The following CCDC121 variants were observed in gnomAD, a reference collection of about 807,000 sequenced individuals.
The protein encoded by CCDC121 is coiled-coil domain containing 121, also known as coiled-coil domain-containing protein 121.
For missense variants in CCDC121, 238 were observed against 304.1 expected, an observed-to-expected ratio of 0.78 and a Z score of 1.62; for synonymous variants, 108 against 120.0, an observed-to-expected ratio of 0.90 and a Z score of 0.65.
chr2:27,628,873 C>T, intron 1 of CCDC121, 77 bp downstream of exon 1: 2 of 1,464,490 alleles, frequency 1.4e-6, no homozygotes, highest in Non-Finnish European at 1.8e-6. Context: ...CCCCCACTTC[C>T]TCGCCACTGT....
chr2:27,628,700 G>A, intron 1 of CCDC121: 5 of 1,551,712 alleles, frequency 3.2e-6, no homozygotes, highest in Non-Finnish European at 3.5e-6. Flanking sequence ...GTTCTCTGTG[G>A]GCTCAAAATG....
chr2:27,626,189 G>A lies in CCDC121; in HGVS notation c.*774C>T, dbSNP rs2148055523. The A allele has an allele frequency of 6.6e-6, 1 of 152,246 alleles. No homozygotes were observed. The highest frequency in any genetic ancestry group is 1.5e-5 in the Non-Finnish European group (1 of 67,972). The allele number at this position is 152,246 out of a possible 1,614,324, so 9.4% of individuals were successfully genotyped here. On this transcript the variant is annotated 3_prime_UTR_variant, in exon 2 of 2. Transcript: ENST00000324364. Reference sequence around the variant, plus strand: ...TAGAATGCTGCTAGGGAAATCGATGGCACTTAAAAAAAAAGTTGTCCAAAT... The same window carrying A: ...TAGAATGCTGCTAGGGAAATCGATGACACTTAAAAAAAAAGTTGTCCAAAT...
Position 27,627,336 on chromosome 2 carries a change from T to TTA in CCDC121, c.463_464insTA (p.Lys155IlefsTer4). 6.2e-7 allele frequency: 1 copy of TTA among 1,613,998 alleles called. No individual in the cohort carries two copies. Among genetic ancestry groups the TTA allele is most frequent in the Non-Finnish European group, 8.5e-7 (1 of 1,179,890 alleles). Reference sequence around the variant, plus strand: ...CCTCCTGTCTGGCTCGCTCAGTTGTTTCTCCAGTAATCTTTTCTCCTGGAG... The same window carrying TTA: ...CCTCCTGTCTGGCTCGCTCAGTTGTTTATCTCCAGTAATCTTTTCTCCTGGAG... On this transcript the variant is annotated frameshift_variant, in exon 2 of 2. Transcript: ENST00000324364. LOFTEE classifies it low-confidence loss of function (END_TRUNC).
intron 1 of CCDC121, chr2:27,628,561 C>G: frequency 6.4e-7 from 1 of 1,551,618 alleles, no homozygotes. Flanking sequence ...CTCAAAGGGT[C>G]TCGGTGCTGC....
intron 1 of CCDC121, 38 bp from the exon 2 acceptor site, chr2:27,627,955 G>T: frequency 7.2e-7 from 1 of 1,388,026 alleles, no homozygotes; most frequent in Non-Finnish European, 1.0e-6. Flanking sequence ...GTCAGTTAAT[G>T]AAACTTTAGG....
chr2:27,628,899 C>T (rs1298719292), intron 1 of CCDC121, 51 bp downstream of exon 1: 7 of 1,475,070 alleles, frequency 4.7e-6, no homozygotes, highest in African/African-American at 1.4e-5. Flanking sequence ...GTTGACTCAT[C>T]AGCCCTGCCC....
intron 1 of CCDC121, among the ~76,000 whole-genome samples, 153 bp from the exon 2 acceptor site, chr2:27,628,070 A>G (rs1673354052): frequency 6.6e-6 from 1 of 152,162 alleles, no homozygotes; most frequent in Non-Finnish European, 1.5e-5. Flanking sequence ...GTGGTAAAGG[A>G]TGAGGAATGT....
In CCDC121 at chr2:27,625,719, A is replaced by C. The variant is rs4666003; in HGVS notation, c.*1244T>G. The C allele has an allele frequency of 0.55, 84,248 of 152,136 alleles. 24,026 individuals are homozygous for C. Among genetic ancestry groups the C allele is most frequent in the East Asian group, 0.88 (4,663 of 5,320 alleles). The allele number at this position is 152,136 out of a possible 1,614,324, so 9.4% of individuals were successfully genotyped here. ...ATTTAACAGAAAAGTTGTTAAAGCTACAAGGTAAAGGCACATTGAAGGAGA... is the reference window on the plus strand; with the variant it reads ...ATTTAACAGAAAAGTTGTTAAAGCTCCAAGGTAAAGGCACATTGAAGGAGA... On this transcript the variant is annotated 3_prime_UTR_variant, in exon 2 of 2. Coordinates refer to ENST00000324364, the MANE Select transcript of CCDC121 (RefSeq NM_024584.5).
At chr2:27,628,362 G>C in intron 1 of CCDC121, 3 of 1,525,642 alleles carry the variant, frequency 2.0e-6, no homozygotes, top group Non-Finnish European at 2.6e-6. Context: ...AGTGACTGGA[G>C]GGGAGGAAGC....
At chr2:27,628,722 C>T (rs2148058516) in intron 1 of CCDC121, 3 of 1,551,276 alleles carry the variant, frequency 1.9e-6, no homozygotes, top group Non-Finnish European at 2.6e-6. Flanking sequence ...CAGGCATGCT[C>T]CTCGTTTTCT....
At position 27,627,591 on chromosome 2, in the gene CCDC121, C is replaced by T. The variant is rs1225073631; in HGVS notation, c.209G>A (p.Arg70Gln). 1 of 1,614,118 alleles carries T rather than the reference C, an allele frequency of 6.2e-7. No individual in the cohort carries two copies. Among genetic ancestry groups the T allele is most frequent in the Admixed American group, 1.7e-5 (1 of 60,014 alleles). ...TCTGGAGGCTGATTCTTGTCTTCTTCGTTCAATCTCTCCACTTTTTTGTAA... is the reference window on the plus strand; with the variant it reads ...TCTGGAGGCTGATTCTTGTCTTCTTTGTTCAATCTCTCCACTTTTTTGTAA... Reference protein sequence around the residue: ...SYLQKSGEIERRRQESASRYA... With the variant: ...SYLQKSGEIEQRRQESASRYA... The change falls in exon 2 of 2, where the codon CGA becomes CAA. Residue 70 changes from arginine (R) to glutamine (Q), a missense_variant. Arg to Gln is a conservative substitution (Grantham distance 43). Transcript: ENST00000324364.
intron 1 of CCDC121, chr2:27,628,453 A>C: frequency 6.4e-7 from 1 of 1,551,566 alleles, no homozygotes; most frequent in African/African-American, 1.4e-5. Flanking sequence ...ACTGAGGGTG[A>C]CTGCCAAGGA....
Position 27,627,022 on chromosome 2 carries a change from C to T in CCDC121, c.778G>A (p.Val260Ile), listed in dbSNP as rs756637183. The T allele has an allele frequency of 8.7e-6, 14 of 1,613,900 alleles. No individual in the cohort carries two copies. In the East Asian group the frequency reaches 2.0e-4, roughly 23 times the overall value. ...GGAAGACTGGGTGTGGTCTTTGGAA[C>T]ATCCTGTCTATTTAGGCACTGATTA... ...SHNQCLNRQDVPKTTPSLPQG... is the reference protein window; with the variant it reads ...SHNQCLNRQDIPKTTPSLPQG... Residue 260 changes from valine (V) to isoleucine (I), a missense_variant, in exon 2 of 2, where the codon GTT becomes ATT. Coordinates refer to ENST00000324364, the MANE Select transcript of CCDC121 (RefSeq NM_024584.5).
Position 27,627,326 on chromosome 2 carries a change from G to C in CCDC121, c.474C>G (p.Ser158Arg), listed in dbSNP as rs770378452. 6.2e-7 allele frequency: 1 copy of C among 1,613,806 alleles called. No homozygotes were observed. Residue 158 changes from serine (S) to arginine (R), a missense_variant, in exon 2 of 2, where the codon AGC becomes AGG. Physicochemically the swap from Ser to Arg is moderately radical, Grantham distance 110. Transcript: ENST00000324364. ...QEKRLLEKQL[S>R]EPDRRLLGKR... The stretch of plus-strand genomic sequence containing the variant: ...TTCCCAGTAGCCTCCTGTCTGGCTC[G>C]CTCAGTTGTTTCTCCAGTAATCTTT...
chr2:27,628,894 CTCA>C, intron 1 of CCDC121, 53 bp downstream of exon 1: 1 of 1,469,256 alleles, frequency 6.8e-7, no homozygotes, highest in Non-Finnish European at 9.0e-7. Flanking sequence ...CACTAGTTGA[CTCA>C]TCAGCCCTGC....
At chr2:27,628,287 G>A (rs754179020) in intron 1 of CCDC121, 30 of 1,061,484 alleles carry the variant, frequency 2.8e-5, no homozygotes, top group African/African-American at 6.4e-5. Context: ...CAGACTGGGT[G>A]GTCAGGAGTA....
In CCDC121 at chr2:27,628,371, G is replaced by C. The variant is rs1365768291; in HGVS notation, c.-118-454C>G. The C allele has an allele frequency of 2.0e-6, 3 of 1,529,518 alleles. No homozygotes were observed. In the South Asian group the frequency reaches 3.6e-5, roughly 18 times the overall value. The allele number at this position is 1,529,518 out of a possible 1,614,324, so 94.7% of individuals were successfully genotyped here. A position where few individuals can be genotyped will look rare whatever the true frequency, so the allele number is the denominator to read the frequency against. ...ACCTTCAGTGACTGGAGGGGAGGAA[G>C]CTCCCCTCCAGTACCTACTTGCACC... On this transcript the variant is annotated intron_variant, in intron 1 of 1. Coordinates refer to ENST00000324364, the MANE Select transcript of CCDC121 (RefSeq NM_024584.5).
intron 1 of CCDC121, chr2:27,628,265 G>C (rs752232806): frequency 2.7e-4 from 241 of 899,262 alleles, no homozygotes; most frequent in Non-Finnish European, 6.7e-5. Context: ...CAGCTACAAA[G>C]GGTCACAGAA....
rs1383643600 is a variant in CCDC121 at position 27,625,853 on chromosome 2, A to G, written c.*1110T>C. ...CATCACTTAACAATTTCTGGGAAAC[A>G]AAGTTCATCCTATTTTCCCATAGAG... On this transcript the variant is annotated 3_prime_UTR_variant, in exon 2 of 2. Transcript: ENST00000324364. 4.6e-5 allele frequency: 7 copies of G among 152,320 alleles called. No individual in the cohort carries two copies. Among genetic ancestry groups the G allele is most frequent in the Admixed American group, 4.6e-4 (7 of 15,276 alleles). The allele number at this position is 152,320 out of a possible 1,614,324, so 9.4% of individuals were successfully genotyped here. A position where few individuals can be genotyped will look rare whatever the true frequency, so the allele number is the denominator to read the frequency against.
Sources: gnomAD v4.1 joint callset for allele counts (sites outside exome capture counted in the v4.1 genomes callset) on GRCh38, gnomAD v4.1.1 for gene constraint, MANE v1.5 for transcripts, NCBI Gene and HGNC (gene_info 2026-07-23, HGNC 2026-07-21) for gene names.